The following KIAA0319L variants were observed in gnomAD, a reference collection of about 807,000 sequenced individuals.
KIAA0319L encodes dyslexia-associated protein KIAA0319-like protein.
In KIAA0319L, 55 loss-of-function variants were observed where a neutral mutation model predicts 120.1. The ratio of observed to expected loss-of-function variants is 0.46; its 90% confidence interval spans 0.37 to 0.57. The LOEUF is 0.57. Ranked by LOEUF, KIAA0319L falls within the 20% of genes least tolerant of loss-of-function variation. KIAA0319L has a pLI of 0.00. For synonymous variants in KIAA0319L, 398 were observed against 471.9 expected (o/e 0.84, Z 2.03); for missense variants, 1,049 against 1,255.3 (o/e 0.84, Z 2.48).
At chr1:35,508,334 G>T (rs1318469645) in intron 2 of KIAA0319L, among the ~76,000 whole-genome samples, 6 of 152,294 alleles carry the variant, frequency 3.9e-5, no homozygotes, top group Admixed American at 3.9e-4. Flanking sequence ...AAACACTGAA[G>T]ATATGGATAA....
chr1:35,554,291 C>T, intron 2 of KIAA0319L, 59 bp downstream of exon 2: 2 of 1,306,510 alleles, frequency 1.5e-6, no homozygotes, highest in Non-Finnish European at 2.1e-6. Flanking sequence ...AACTGAGGGA[C>T]TCACATAAAA....
At chr1:35,480,724 G>A (rs751422996) in intron 3 of KIAA0319L, among the ~76,000 whole-genome samples, 9 of 152,058 alleles carry the variant, frequency 5.9e-5, no homozygotes, top group Non-Finnish European at 1.2e-4. Context: ...GGCGGAGGCT[G>A]CAGTGAGCCG....
chr1:35,513,250 A>G (rs1298442237), intron 2 of KIAA0319L, among the ~76,000 whole-genome samples: 1 of 146,196 alleles, frequency 6.8e-6, no homozygotes, highest in Non-Finnish European at 1.5e-5. Context: ...ATATATATAT[A>G]AATCATATCT....
chr1:35,477,362 T>A (rs1406650071), intron 4 of KIAA0319L, among the ~76,000 whole-genome samples: 1 of 151,898 alleles, frequency 6.6e-6, no homozygotes, highest in Non-Finnish European at 1.5e-5. Flanking sequence ...ATCAGAGAAA[T>A]GCAAATAAAA....
chr1:35,519,728 GCT>G (rs1157007905), intron 2 of KIAA0319L, among the ~76,000 whole-genome samples: 1 of 152,112 alleles, frequency 6.6e-6, no homozygotes, highest in African/African-American at 2.4e-5. Context: ...AAAGAACTTT[GCT>G]CTCTCTTTCT....
rs544631741 is a variant in KIAA0319L at position 35,457,022 on chromosome 1, A to G, written c.1428-781T>C. 9.2e-5 allele frequency among the ~76,000 whole-genome samples: 14 copies of G among 152,162 alleles called. No individual in the cohort carries two copies. The South Asian group carries it at 2.9e-3, about 32-fold the overall frequency. ...GTGGAGTCAGGTTCTGATCCAGGCA[A>G]TATGTCTCCAGCGCCATTTTGTCCT... On this transcript the variant is annotated intron_variant, in intron 9 of 20. Transcript: ENST00000325722.
At position 35,442,940 on chromosome 1, in the gene KIAA0319L, G is replaced by A; in HGVS notation, c.2745C>T (p.Ile915=). The change falls in exon 18 of 21, where the codon ATC becomes ATT. Residue 915 remains isoleucine (I), a synonymous_variant. Transcript: ENST00000325722. ...ICDPFWMENF[I]KVQLRDGDSN... is the part of the protein sequence containing the mutation. ...TGTCTCCATCCCTCAGCTGCACCTT[G>A]ATGAAATTCTCCATCCAAAAAGGGT... is the stretch of plus-strand genomic sequence containing the variant. 6.2e-7 allele frequency: 1 copy of A among 1,614,200 alleles called. No individual in the cohort carries two copies. Among genetic ancestry groups the A allele is most frequent in the Non-Finnish European group, 8.5e-7 (1 of 1,180,022 alleles).
At chr1:35,556,401 G>A (rs1038254779) in intron 1 of KIAA0319L, 1 of 152,244 alleles carries the variant, frequency 6.6e-6, no homozygotes, top group African/African-American at 2.4e-5. Context: ...GTTGGTATGA[G>A]TAATCGAGAA....
chr1:35,535,320 A>G (rs1369642571), intron 2 of KIAA0319L, among the ~76,000 whole-genome samples: 2 of 152,150 alleles, frequency 1.3e-5, no homozygotes, highest in African/African-American at 4.8e-5. Context: ...ATGTTCATAC[A>G]TGTCCCTCAT....
intron 15 of KIAA0319L, among the ~76,000 whole-genome samples, chr1:35,448,873 A>G (rs1164454272): frequency 6.6e-6 from 1 of 152,186 alleles, no homozygotes; most frequent in Non-Finnish European, 1.5e-5. Context: ...AGACACAAGG[A>G]TTTCCTTAGA....
At chr1:35,541,180 G>A (rs1310009231) in intron 2 of KIAA0319L, among the ~76,000 whole-genome samples, 3 of 151,862 alleles carry the variant, frequency 2.0e-5, no homozygotes, top group Non-Finnish European at 2.9e-5. Flanking sequence ...GGCCTCAAAC[G>A]ATCCACCTGC....
At chr1:35,548,166 T>C (rs1447030936) in intron 2 of KIAA0319L, among the ~76,000 whole-genome samples, 2 of 151,732 alleles carry the variant, frequency 1.3e-5, no homozygotes, top group African/African-American at 4.8e-5. Flanking sequence ...ACAGAACATC[T>C]AAATTCTACC....
chr1:35,502,075 G>A (rs979684519), intron 3 of KIAA0319L, among the ~76,000 whole-genome samples: 1 of 151,772 alleles, frequency 6.6e-6, no homozygotes, highest in African/African-American at 2.4e-5. Context: ...TCAGGAGATC[G>A]AGACCACCCT....
intron 2 of KIAA0319L, among the ~76,000 whole-genome samples, chr1:35,508,014 T>C (rs954252077): frequency 6.6e-6 from 1 of 152,240 alleles, no homozygotes; most frequent in African/African-American, 2.4e-5. Flanking sequence ...TCAAAACTTG[T>C]TCTAAATGGA....
At chr1:35,551,650 T>TA (rs756309613) in intron 2 of KIAA0319L, among the ~76,000 whole-genome samples, 2,410 of 150,104 alleles carry the variant, frequency 0.016, 55 homozygotes, top group African/African-American at 0.053. Flanking sequence ...ATATTCCTTT[T>TA]AAAAAAAAAA....
rs200064916 is a variant in KIAA0319L at position 35,495,863 on chromosome 1, C to CAAAAAA, written c.666+10743_666+10748dup. 4.5e-4 allele frequency among the ~76,000 whole-genome samples: 31 copies of CAAAAAA among 68,146 alleles called. 1 individual carries two copies. Among genetic ancestry groups the CAAAAAA allele is most frequent in the African/African-American group, 1.3e-3 (29 of 23,076 alleles). The allele number at this position is 68,146 out of a possible 152,430, so 44.7% of individuals were successfully genotyped here. On this transcript the variant is annotated intron_variant, in intron 3 of 20. Coordinates refer to ENST00000325722, the MANE Select transcript of KIAA0319L (RefSeq NM_024874.5). Reference sequence around the variant, plus strand: ...AATGGGGAAAAATATTAACACTCTACAAAAAAAAAAAAAAAAACATGAATG... The same window carrying CAAAAAA: ...AATGGGGAAAAATATTAACACTCTACAAAAAAAAAAAAAAAAAAAAAAACATGAATG...
At chr1:35,511,995 C>G (rs114315776) in intron 2 of KIAA0319L, among the ~76,000 whole-genome samples, 264 of 152,266 alleles carry the variant, frequency 1.7e-3, no homozygotes, top group Middle Eastern at 3.4e-3. Flanking sequence ...CTAAGCCAGG[C>G]GTGGTGGCTC....
chr1:35,477,906 T>C (rs924062089), intron 4 of KIAA0319L, among the ~76,000 whole-genome samples: 1 of 152,228 alleles, frequency 6.6e-6, no homozygotes, highest in Non-Finnish European at 1.5e-5. Context: ...GCTGGGTCTA[T>C]ACCCAAAAGA....
At position 35,530,070 on chromosome 1, in the gene KIAA0319L, T is replaced by C. The variant is rs147312609; in HGVS notation, c.143-22935A>G. ...TATTTTTTTTGGAGACAGGGTCTCATTGTCACTCAGGCTGGAGTGCAGTGG... is the reference window on the plus strand; with the variant it reads ...TATTTTTTTTGGAGACAGGGTCTCACTGTCACTCAGGCTGGAGTGCAGTGG... On this transcript the variant is annotated intron_variant, in intron 2 of 20. Transcript: ENST00000325722. 2.9e-3 allele frequency among the ~76,000 whole-genome samples: 436 copies of C among 152,040 alleles called. 2 individuals carry two copies. Among genetic ancestry groups the C allele is most frequent in the African/African-American group, 0.01 (417 of 41,464 alleles).
Sources: allele counts gnomAD v4.1 joint callset (sites outside exome capture counted in the v4.1 genomes callset), GRCh38; gene constraint gnomAD v4.1.1; transcripts MANE v1.5; gene names NCBI Gene and HGNC (gene_info 2026-07-23, HGNC 2026-07-21).